The following NRXN1 variants were observed in gnomAD, a reference collection of about 807,000 sequenced individuals.
NRXN1 encodes the protein neurexin 1, also known as neurexin-1.
NRXN1 carries 39 observed loss-of-function variants against 150.9 expected under a neutral mutation model. That is an observed-to-expected ratio of 0.26 (90% CI 0.20 to 0.34). The LOEUF (loss-of-function observed/expected upper bound fraction) is 0.34. Among genes scored for constraint, NRXN1 ranks in the 10% least tolerant of loss-of-function variants. NRXN1 has a pLI of 1.00. For synonymous variants in NRXN1, 924 were observed against 757.0 expected (o/e 1.22, Z -3.62); for missense variants, 1,815 against 1,949.9 (o/e 0.93, Z 1.30).
At chr2:50,470,000 T>G (rs974706293) in intron 16 of NRXN1, among the ~76,000 whole-genome samples, 21 of 151,682 alleles carry the variant, frequency 1.4e-4, no homozygotes, top group Admixed American at 1.3e-4. Flanking sequence ...TTCCGCCCAC[T>G]CACTCACATT....
At chr2:50,747,535 C>T (rs1461779396) in intron 5 of NRXN1, among the ~76,000 whole-genome samples, 1 of 152,028 alleles carries the variant, frequency 6.6e-6, no homozygotes, top group Non-Finnish European at 1.5e-5. Context: ...TTTCCTCTCA[C>T]CCCAAGCCAA....
chr2:50,627,531 C>A (rs186148344), intron 5 of NRXN1, among the ~76,000 whole-genome samples: 1 of 151,484 alleles, frequency 6.6e-6, no homozygotes, highest in African/African-American at 2.4e-5. Context: ...TGGATCTTTA[C>A]ATCCTTTTGT....
At chr2:50,049,943 T>C (rs1224904599) in intron 21 of NRXN1, among the ~76,000 whole-genome samples, 1 of 152,050 alleles carries the variant, frequency 6.6e-6, no homozygotes, top group African/African-American at 2.4e-5. Context: ...ATGGAAACAT[T>C]TAAAAATTAA....
rs566684469 is a variant in NRXN1 at position 50,051,197 on chromosome 2, C to T, written c.4128+2074G>A. ...TAAAATGCATAAATCTTTATTTCTGCATTTCTACGTATTTAGCTTTCAAAT... is the reference window on the plus strand; with the variant it reads ...TAAAATGCATAAATCTTTATTTCTGTATTTCTACGTATTTAGCTTTCAAAT... On this transcript the variant is annotated intron_variant, in intron 21 of 22. Coordinates refer to ENST00000401669, the MANE Select transcript of NRXN1 (RefSeq NM_001330078.2). 5.8e-4 allele frequency among the ~76,000 whole-genome samples: 88 copies of T among 152,052 alleles called. 1 individual carries two copies. Among genetic ancestry groups the T allele is most frequent in the Non-Finnish European group, 9.3e-4 (63 of 67,896 alleles).
At chr2:49,953,736 C>A (rs1674403167) in intron 21 of NRXN1, among the ~76,000 whole-genome samples, 2 of 151,866 alleles carry the variant, frequency 1.3e-5, no homozygotes, top group Admixed American at 1.3e-4. Context: ...AGTCAAATTT[C>A]ATATGTGTGA....
chr2:50,721,968 C>A (rs368093842), intron 5 of NRXN1, among the ~76,000 whole-genome samples: 7 of 152,128 alleles, frequency 4.6e-5, no homozygotes, highest in Non-Finnish European at 7.4e-5. Context: ...TTGCATTTCT[C>A]GGGAAATGTC....
chr2:50,577,697 G>T (rs1469745439), intron 8 of NRXN1, among the ~76,000 whole-genome samples: 1 of 148,656 alleles, frequency 6.7e-6, no homozygotes. Flanking sequence ...CACGGTAATA[G>T]TACCTGACTG....
At chr2:50,969,755 G>T (rs919572518) in intron 2 of NRXN1, among the ~76,000 whole-genome samples, 2 of 152,080 alleles carry the variant, frequency 1.3e-5, no homozygotes, top group African/African-American at 2.4e-5. Flanking sequence ...GCAAAGTACT[G>T]TAGAGGCCAA....
intron 9 of NRXN1, among the ~76,000 whole-genome samples, chr2:50,547,080 G>T (rs2093510853): frequency 6.6e-6 from 1 of 152,140 alleles, no homozygotes; most frequent in Non-Finnish European, 1.5e-5. Flanking sequence ...CTAATTATGT[G>T]CTCTTGAGAG....
chr2:50,538,619 T>C lies in NRXN1; in HGVS notation c.1777A>G (p.Thr593Ala). ...DGRSGTISVN[T>A]LRTPYTAPGE... ...GGAGCAGTGTAGGGAGTACGCAACGTGTTGACAGAAATGGTACCTATTTCA... is the reference window on the plus strand; with the variant it reads ...GGAGCAGTGTAGGGAGTACGCAACGCGTTGACAGAAATGGTACCTATTTCA... The change falls in exon 10 of 23, where the codon ACG (threonine) becomes GCG (alanine). Residue 593 changes from threonine to alanine, a missense_variant. By Grantham distance (58) the Thr-to-Ala change is moderately conservative. Coordinates refer to ENST00000401669, the MANE Select transcript of NRXN1 (RefSeq NM_001330078.2). The C allele has an allele frequency of 6.7e-7, 1 of 1,493,046 alleles. No individual in the cohort carries two copies. The highest frequency in any genetic ancestry group is 8.9e-7 in the Non-Finnish European group (1 of 1,119,450). The allele number at this position is 1,493,046 out of a possible 1,614,324, so 92.5% of individuals were successfully genotyped here. A position where few individuals can be genotyped will look rare whatever the true frequency, so the allele number is the denominator to read the frequency against.
intron 8 of NRXN1, among the ~76,000 whole-genome samples, chr2:50,554,070 C>T (rs773343734): frequency 2.6e-5 from 4 of 152,058 alleles, no homozygotes; most frequent in Non-Finnish European, 4.4e-5. Flanking sequence ...GCTGTCTAGG[C>T]TCTTTCAAGA....
At chr2:49,924,299 A>G (rs1476620602) in intron 22 of NRXN1, among the ~76,000 whole-genome samples, 1 of 152,212 alleles carries the variant, frequency 6.6e-6, no homozygotes, top group Non-Finnish European at 1.5e-5. Flanking sequence ...TCTGCCAGAA[A>G]GGAATAGGGA....
chr2:50,860,700 C>A (rs951088397), intron 5 of NRXN1, among the ~76,000 whole-genome samples: 24 of 152,170 alleles, frequency 1.6e-4, no homozygotes, highest in Middle Eastern at 3.4e-3. Flanking sequence ...TCCATTCATT[C>A]TACATTCACT....
At chr2:50,136,845 A>G (rs1200578096) in intron 18 of NRXN1, among the ~76,000 whole-genome samples, 1 of 152,214 alleles carries the variant, frequency 6.6e-6, no homozygotes, top group African/African-American at 2.4e-5. Flanking sequence ...TAAACATATG[A>G]CTATCCATTT....
chr2:50,301,661 A>G (rs1473092051), intron 17 of NRXN1, among the ~76,000 whole-genome samples: 1 of 152,166 alleles, frequency 6.6e-6, no homozygotes, highest in Non-Finnish European at 1.5e-5. Context: ...AGTTTCTAGC[A>G]TCTCTGAGAA....
intron 5 of NRXN1, among the ~76,000 whole-genome samples, chr2:50,634,630 G>A (rs564081998): frequency 2.0e-5 from 3 of 152,040 alleles, no homozygotes; most frequent in African/African-American, 7.2e-5. Flanking sequence ...CTGAATTTGT[G>A]GTCACTTTTG....
chr2:50,091,660 T>C (rs541431530), intron 18 of NRXN1, among the ~76,000 whole-genome samples, 166 bp from the exon 19 acceptor site: 49 of 152,346 alleles, frequency 3.2e-4, no homozygotes, highest in African/African-American at 1.1e-3. Context: ...TCTTGACATC[T>C]GGGTAAATTT....
At chr2:51,024,630 G>A (rs891300773) in intron 2 of NRXN1, among the ~76,000 whole-genome samples, 2 of 152,100 alleles carry the variant, frequency 1.3e-5, no homozygotes, top group African/African-American at 2.4e-5. Context: ...AAATTCATAG[G>A]TGCATAAGTT....
intron 5 of NRXN1, among the ~76,000 whole-genome samples, chr2:50,849,133 G>T (rs1674130687): frequency 1.3e-5 from 2 of 151,884 alleles, no homozygotes; most frequent in South Asian, 4.2e-4. Flanking sequence ...TCTCCAGAAT[G>T]CTTACTGCCT....
Sources: allele counts gnomAD v4.1 joint callset (sites outside exome capture counted in the v4.1 genomes callset), GRCh38; gene constraint gnomAD v4.1.1; transcripts MANE v1.5; gene names NCBI Gene and HGNC (gene_info 2026-07-23, HGNC 2026-07-21).